The following GPC6 variants were observed in gnomAD, a reference collection of about 807,000 sequenced individuals.
GPC6 encodes the protein glypican-6.
In GPC6, 14 loss-of-function variants were observed where a neutral mutation model predicts 55.2. The observed-to-expected ratio is 0.25, with a 90% confidence interval of 0.17 to 0.40. The LOEUF is 0.40. Ranked by LOEUF, GPC6 falls within the 10% of genes least tolerant of loss-of-function variation. The pLI, the probability that GPC6 is intolerant of heterozygous loss-of-function variation, is 1.00. For missense variants in GPC6, 641 were observed against 708.5 expected (o/e 0.90, Z 1.08); for synonymous variants, 278 against 259.6 (o/e 1.07, Z -0.68).
intron 3 of GPC6, among the ~76,000 whole-genome samples, chr13:93,956,175 T>G (rs1000406366): frequency 1.4e-4 from 22 of 152,142 alleles, no homozygotes; most frequent in African/African-American, 5.1e-4. Context: ...CCACCCTTTT[T>G]CTTCTCTCAC....
chr13:94,402,951 G>C (rs769037075), intron 8 of GPC6, 64 bp from the exon 9 acceptor site: 1 of 1,137,548 alleles, frequency 8.8e-7, no homozygotes, highest in East Asian at 2.3e-5. Flanking sequence ...ATGAGATTTG[G>C]GTGGGGCCAC....
chr13:94,207,465 G>A (rs983479789), intron 4 of GPC6, among the ~76,000 whole-genome samples: 1 of 152,120 alleles, frequency 6.6e-6, no homozygotes, highest in Non-Finnish European at 1.5e-5. Flanking sequence ...GAGGTATATG[G>A]CTGGTAAATG....
At chr13:93,472,201 T>C (rs1879144566) in intron 1 of GPC6, among the ~76,000 whole-genome samples, 1 of 152,200 alleles carries the variant, frequency 6.6e-6, no homozygotes, top group Admixed American at 6.5e-5. Flanking sequence ...ATCTTGAACA[T>C]TTTATTTTTA....
At chr13:93,933,369 G>C (rs1259729766) in intron 3 of GPC6, among the ~76,000 whole-genome samples, 1 of 152,064 alleles carries the variant, frequency 6.6e-6, no homozygotes, top group Non-Finnish European at 1.5e-5. Flanking sequence ...ACCCCTAAGT[G>C]ACAATAGTTT....
At chr13:93,710,882 A>G (rs1883033249) in intron 2 of GPC6, among the ~76,000 whole-genome samples, 1 of 151,832 alleles carries the variant, frequency 6.6e-6, no homozygotes, top group Non-Finnish European at 1.5e-5. Flanking sequence ...TAGGCAAATT[A>G]TAAATTGTAA....
intron 4 of GPC6, among the ~76,000 whole-genome samples, chr13:94,153,776 A>G (rs1228069981): frequency 6.6e-6 from 1 of 152,170 alleles, no homozygotes; most frequent in East Asian, 1.9e-4. Flanking sequence ...AACACAAACA[A>G]CTGGCCCCAT....
chr13:93,763,953 A>G (rs4389020), intron 2 of GPC6, among the ~76,000 whole-genome samples: 101,539 of 151,876 alleles, frequency 0.67, 34,905 homozygotes, highest in African/African-American at 0.81. Context: ...AACACTGTCT[A>G]TACCCTTGTT....
At chr13:94,067,504 G>T (rs9516338) in intron 4 of GPC6, among the ~76,000 whole-genome samples, 1 of 149,750 alleles carries the variant, frequency 6.7e-6, no homozygotes, top group Non-Finnish European at 1.5e-5. Context: ...CTCTCTCTCT[G>T]TGTCTATGTA....
At chr13:94,106,884 G>T (rs1013478680) in intron 4 of GPC6, among the ~76,000 whole-genome samples, 3 of 152,152 alleles carry the variant, frequency 2.0e-5, no homozygotes, top group African/African-American at 7.2e-5. Flanking sequence ...TTTATGGAAT[G>T]ATGTTGAAAA....
At chr13:94,140,242 G>A (rs1481136796) in intron 4 of GPC6, among the ~76,000 whole-genome samples, 3 of 151,780 alleles carry the variant, frequency 2.0e-5, no homozygotes, top group Non-Finnish European at 2.9e-5. Context: ...TAGTACCGCA[G>A]GGACTGGAAG....
Position 94,253,424 on chromosome 13 carries a change from C to T in GPC6, c.878-32925C>T, listed in dbSNP as rs147740025. Among the ~76,000 whole-genome samples the T allele has an allele frequency of 2.6e-4, 39 of 152,166 alleles. 2 individuals are homozygous for T. The East Asian group carries it at 3.1e-3, about 12-fold the overall frequency. Reference sequence around the variant, plus strand: ...TGTAATAATACTGCGTTTATCTCAACGGTTCTTCTTTTTTTTATTTAATAA... The same window carrying T: ...TGTAATAATACTGCGTTTATCTCAATGGTTCTTCTTTTTTTTATTTAATAA... On this transcript the variant is annotated intron_variant, in intron 4 of 8. Coordinates refer to ENST00000377047, the MANE Select transcript of GPC6 (RefSeq NM_005708.5).
At chr13:93,941,997 A>G (rs1461548634) in intron 3 of GPC6, among the ~76,000 whole-genome samples, 1 of 152,162 alleles carries the variant, frequency 6.6e-6, no homozygotes, top group Non-Finnish European at 1.5e-5. Flanking sequence ...TCACAACACC[A>G]GCTGCGTTGG....
chr13:93,258,358 T>C (rs916148632), intron 1 of GPC6, among the ~76,000 whole-genome samples: 25 of 152,256 alleles, frequency 1.6e-4, no homozygotes, highest in Admixed American at 7.2e-4. Flanking sequence ...AGCATTGTCC[T>C]CAAGTATCCA....
At chr13:94,248,681 G>A (rs574338271) in intron 4 of GPC6, among the ~76,000 whole-genome samples, 1 of 151,864 alleles carries the variant, frequency 6.6e-6, no homozygotes, top group Admixed American at 6.6e-5. Context: ...GGCTGAGAGA[G>A]AGAGAGAGAG....
chr13:93,886,794 GA>G (rs1875367675), intron 3 of GPC6, among the ~76,000 whole-genome samples: 1 of 146,974 alleles, frequency 6.8e-6, no homozygotes, highest in Non-Finnish European at 1.5e-5. Flanking sequence ...ATCCCAAAAC[GA>G]TATTGCTAAT....
intron 1 of GPC6, among the ~76,000 whole-genome samples, chr13:93,519,830 T>C (rs1260311633): frequency 1.3e-5 from 2 of 152,034 alleles, no homozygotes; most frequent in Non-Finnish European, 2.9e-5. Flanking sequence ...CTGTATTCTT[T>C]GTGAAACAGA....
chr13:93,609,342 G>A (rs1330209360), intron 2 of GPC6, among the ~76,000 whole-genome samples: 1 of 152,170 alleles, frequency 6.6e-6, no homozygotes, highest in Admixed American at 6.5e-5. Context: ...AGCCTCCCAA[G>A]TAGCTGGGAT....
intron 1 of GPC6, among the ~76,000 whole-genome samples, chr13:93,394,611 A>G (rs1370208102): frequency 6.6e-6 from 1 of 152,192 alleles, no homozygotes; most frequent in Non-Finnish European, 1.5e-5. Context: ...TGATAGGTCC[A>G]GAATTATTTC....
At chr13:94,155,959 A>G (rs1887919614) in intron 4 of GPC6, among the ~76,000 whole-genome samples, 1 of 152,166 alleles carries the variant, frequency 6.6e-6, no homozygotes, top group Admixed American at 6.6e-5. Context: ...TGATCCTCAC[A>G]GGTGCTACCA....
Sources: allele counts gnomAD v4.1 joint callset (sites outside exome capture counted in the v4.1 genomes callset), GRCh38; gene constraint gnomAD v4.1.1; transcripts MANE v1.5; gene names NCBI Gene and HGNC (gene_info 2026-07-23, HGNC 2026-07-21).